DDX50: variants seen among roughly 807,000 people sequenced by gnomAD.
The protein encoded by DDX50 is DExD-box helicase 50.
Under a neutral mutation model 94.8 loss-of-function variants are expected in DDX50, and 56 were observed. That is an observed-to-expected ratio of 0.59 (90% CI 0.48 to 0.74). The LOEUF (loss-of-function observed/expected upper bound fraction) is 0.74, where lower values mean the gene tolerates loss of function less well. Ranked by LOEUF, DDX50 falls within the 30% of genes least tolerant of loss-of-function variation. The pLI is 0.00. For synonymous variants in DDX50, 264 were observed against 295.4 expected (o/e 0.89, Z 1.09); for missense variants, 713 against 881.2 (o/e 0.81, Z 2.42).
At position 68,913,175 on chromosome 10, in the gene DDX50, C is replaced by G. The variant is rs754122105; in HGVS notation, c.653C>G (p.Ala218Gly). The G allele has an allele frequency of 7.5e-6, 12 of 1,606,264 alleles. No homozygotes were observed. In the South Asian group the frequency reaches 1.3e-4, roughly 18 times the overall value. The change falls in exon 5 of 15, where the codon GCT (alanine) becomes GGT (glycine). Residue 218 changes from alanine (A) to glycine (G), a missense_variant. By Grantham distance (60) the Ala-to-Gly change is moderately conservative. This residue lies in a region of DDX50 where 285 missense variants were observed against 278.9 expected (regional missense o/e 1.02). Coordinates refer to ENST00000373585, the MANE Select transcript of DDX50 (RefSeq NM_024045.2). ...CCTCTTGCTCAGGTACTTGTTTTGG[C>G]TCCAACAAGGGAACTGGCAAACCAA... ...KSRSPKVLVL[A>G]PTRELANQVA...
chr10:68,913,223 T>A lies in DDX50; in HGVS notation c.701T>A (p.Ile234Lys). The change falls in exon 5 of 15, where the codon ATA becomes AAA. Residue 234 changes from isoleucine (I) to lysine (K), a missense_variant. Transcript: ENST00000373585. Reference protein sequence around the residue: ...ANQVAKDFKDITRKLSVACFY... With the variant: ...ANQVAKDFKDKTRKLSVACFY... ...CAAGTAGCCAAAGACTTCAAAGATA[T>A]AACTAGGAAACTCAGCGTGGCGTGT... 1 of 1,613,536 alleles carries A rather than the reference T, an allele frequency of 6.2e-7. No individual in the cohort carries two copies.
In DDX50 at chr10:68,936,962, C is replaced by T. The variant is rs1842436697; in HGVS notation, c.1622C>T (p.Ala541Val). The stretch of plus-strand genomic sequence containing the variant: ...TCTCTGGCTTCCGTTTCTTACGCTG[C>T]TGTTGATTTTTTCCGACCATCAGCT... ...IRSLASVSYA[A>V]VDFFRPSAQR... is the part of the protein sequence containing the mutation. The change falls in exon 12 of 15, where the codon GCT (alanine) becomes GTT (valine). Residue 541 changes from alanine (A) to valine (V), a missense_variant. Physicochemically the swap from Ala to Val is moderately conservative, Grantham distance 64 (BLOSUM62 0). Transcript: ENST00000373585. 2 of 1,608,498 alleles carry T rather than the reference C, an allele frequency of 1.2e-6. No individual in the cohort carries two copies. The highest frequency in any genetic ancestry group is 2.7e-5 in the African/African-American group (2 of 74,684).
chr10:68,942,406 T>A (rs1463679092), intron 13 of DDX50, among the ~76,000 whole-genome samples: 1 of 152,190 alleles, frequency 6.6e-6, no homozygotes, highest in Non-Finnish European at 1.5e-5. Context: ...TTAATATTAC[T>A]TGCCTTGTAA....
chr10:68,942,302 T>C (rs1241411388), intron 13 of DDX50, among the ~76,000 whole-genome samples: 7 of 152,206 alleles, frequency 4.6e-5, no homozygotes, highest in Admixed American at 1.3e-4. Context: ...AAAAATGATG[T>C]TATGTTATTA....
intron 8 of DDX50, among the ~76,000 whole-genome samples, chr10:68,928,474 C>T (rs1214255692): frequency 6.6e-6 from 1 of 152,128 alleles, no homozygotes; most frequent in Non-Finnish European, 1.5e-5. Flanking sequence ...AGTTTAAAAC[C>T]AGCCTGGGCA....
At chr10:68,915,714 CAAA>C (rs1206127189) in intron 7 of DDX50, among the ~76,000 whole-genome samples, 2 of 92,362 alleles carry the variant, frequency 2.2e-5, no homozygotes, top group Admixed American at 1.1e-4. Context: ...GACAACATCT[CAAA>C]AAAAAAAAAA....
Position 68,901,323 on chromosome 10 carries a change from G to A in DDX50, c.-62G>A. ...CCGCCTTGCCCCCGCTTCCTTTCACGCTGTCGCTGCCCGTAGGTGGTTGTG... is the reference window on the plus strand; with the variant it reads ...CCGCCTTGCCCCCGCTTCCTTTCACACTGTCGCTGCCCGTAGGTGGTTGTG... On this transcript the variant is annotated 5_prime_UTR_variant, in exon 1 of 15. Coordinates refer to ENST00000373585, the MANE Select transcript of DDX50 (RefSeq NM_024045.2). 2 of 1,441,640 alleles carry A rather than the reference G, an allele frequency of 1.4e-6. No individual in the cohort carries two copies. Among genetic ancestry groups the A allele is most frequent in the South Asian group, 2.7e-5 (2 of 73,594 alleles). The allele number at this position is 1,441,640 out of a possible 1,614,324, so 89.3% of individuals were successfully genotyped here. A position where few individuals can be genotyped will look rare whatever the true frequency, so the allele number is the denominator to read the frequency against.
At position 68,907,013 on chromosome 10, in the gene DDX50, G is replaced by A. The variant is rs1455865561; in HGVS notation, c.384+6G>A. ...GTGATAATAAACTAGAGGAGGTATG[G>A]AAGCTTTTTATTTTGCATTTGACAT... On this transcript the variant is annotated splice_donor_region_variant and intron_variant, in intron 2 of 14. Transcript: ENST00000373585. 1.3e-6 allele frequency: 2 copies of A among 1,570,026 alleles called. No individual in the cohort carries two copies. The highest frequency in any genetic ancestry group is 2.2e-5 in the East Asian group (1 of 44,462).
intron 2 of DDX50, among the ~76,000 whole-genome samples, chr10:68,908,030 A>C (rs1016448549): frequency 6.6e-6 from 1 of 152,224 alleles, no homozygotes; most frequent in Non-Finnish European, 1.5e-5. Context: ...TAATAGGAAA[A>C]TATTTAAACA....
intron 8 of DDX50, among the ~76,000 whole-genome samples, chr10:68,921,045 A>T (rs551893320): frequency 9.2e-5 from 14 of 151,796 alleles, no homozygotes; most frequent in South Asian, 4.2e-4. Flanking sequence ...ACCCCTATGT[A>T]TTCATCCACC....
chr10:68,911,808 T>G (rs1841632844), intron 4 of DDX50: 1 of 152,164 alleles, frequency 6.6e-6, no homozygotes, highest in Non-Finnish European at 1.5e-5. Flanking sequence ...ATACTGCTAG[T>G]TTATATATTA....
chr10:68,920,407 G>T (rs1235369686), intron 8 of DDX50, among the ~76,000 whole-genome samples: 1 of 151,944 alleles, frequency 6.6e-6, no homozygotes, highest in South Asian at 2.1e-4. Context: ...AAGCAATTCC[G>T]CCCTCCCCTT....
chr10:68,939,604 CA>C (rs1842508796), intron 12 of DDX50, among the ~76,000 whole-genome samples: 1 of 152,180 alleles, frequency 6.6e-6, no homozygotes, highest in African/African-American at 2.4e-5. Flanking sequence ...AACTATTACA[CA>C]AGGCCTTTGT....
At chr10:68,916,354 A>AAC (rs1480902443) in intron 7 of DDX50, among the ~76,000 whole-genome samples, 4 of 888 alleles carry the variant, frequency 4.5e-3, no homozygotes, top group African/African-American at 0.042. Context: ...ACTCTGTCTC[A>AAC]AAAAAAAAAA....
chr10:68,913,526 T>G lies in DDX50; in HGVS notation c.893T>G (p.Leu298Ter), dbSNP rs753769827. The G allele has an allele frequency of 1.9e-6, 3 of 1,614,010 alleles. No homozygotes were observed. The highest frequency in any genetic ancestry group is 2.5e-6 in the Non-Finnish European group (3 of 1,179,974). Residue 298 changes from leucine (L) to a stop codon, truncating the protein, a stop_gained, in exon 6 of 15, where the codon TTA (leucine) becomes TGA (stop). Coordinates refer to ENST00000373585, the MANE Select transcript of DDX50 (RefSeq NM_024045.2). LOFTEE classifies it high-confidence loss of function. Reference protein sequence around the residue: ...VLDEVDQMLDLGFAEQVEDII... With the variant: ...VLDEVDQMLD ...GATGAAGTGGATCAGATGTTAGATT[T>G]AGGTTTCGCTGAACAAGTTGAAGAT...
In DDX50 at chr10:68,931,395, AT is replaced by A. The variant is rs1564613815; in HGVS notation, c.1240-2803del. Among the ~76,000 whole-genome samples, 33 of 38,256 alleles carry A rather than the reference AT, an allele frequency of 8.6e-4. No homozygotes were observed. The South Asian group carries it at 0.017, about 19-fold the overall frequency. 25.1% of individuals were successfully genotyped at this position (38,256 alleles called of 152,430 possible). A position where few individuals can be genotyped will look rare whatever the true frequency, so the allele number is the denominator to read the frequency against. ...GTGACGGATCATTAAAAAAAAAAATATATATATATATATATGTATATATATA... is the reference window on the plus strand; with the variant it reads ...GTGACGGATCATTAAAAAAAAAAATAATATATATATATATGTATATATATA... On this transcript the variant is annotated intron_variant, in intron 8 of 14. Coordinates refer to ENST00000373585, the MANE Select transcript of DDX50 (RefSeq NM_024045.2).
intron 8 of DDX50, among the ~76,000 whole-genome samples, chr10:68,931,424 T>TACACACACACAC (rs1409369004): frequency 1.6e-4 from 7 of 43,706 alleles, no homozygotes; most frequent in Non-Finnish European, 4.0e-4. Flanking sequence ...TATATATATA[T>TACACACACACAC]ATACACAAAC....
intron 12 of DDX50, among the ~76,000 whole-genome samples, chr10:68,939,187 G>T (rs1234929470): frequency 6.6e-6 from 1 of 152,138 alleles, no homozygotes; most frequent in Non-Finnish European, 1.5e-5. Flanking sequence ...TTGTAAAGGT[G>T]TATTTTACTC....
At chr10:68,904,443 AC>A (rs1841383457) in intron 1 of DDX50, among the ~76,000 whole-genome samples, 1 of 152,200 alleles carries the variant, frequency 6.6e-6, no homozygotes, top group South Asian at 2.1e-4. Flanking sequence ...GTCTGGAAGT[AC>A]GTATTGAGCC....
Sources: gnomAD v4.1 joint callset for allele counts (sites outside exome capture counted in the v4.1 genomes callset) on GRCh38, gnomAD v4.1.1 for gene constraint, gnomAD v4.1.1 regional missense constraint, MANE v1.5 for transcripts, NCBI Gene and HGNC (gene_info 2026-07-23, HGNC 2026-07-21) for gene names.